The following DRC11 variants were observed in gnomAD, a reference collection of about 807,000 sequenced individuals.
The protein encoded by DRC11 is IQ and AAA domain-containing protein 1.
At chr2:236,489,520 G>A in the DRC11 span, among the ~76,000 whole-genome samples, 1 of 152,182 alleles carries the variant, frequency 6.6e-6, no homozygotes, top group Non-Finnish European at 1.5e-5. Context: ...GGAGGCCCCA[G>A]TGCTGTTCCA....
At chr2:236,451,376 T>TAGAG in the DRC11 span, among the ~76,000 whole-genome samples, 114 of 151,826 alleles carry the variant, frequency 7.5e-4, no homozygotes, top group Middle Eastern at 6.8e-3. Flanking sequence ...TATATATATA[T>TAGAG]AGATATATAT....
the DRC11 span, among the ~76,000 whole-genome samples, chr2:236,416,564 G>A: frequency 6.6e-6 from 1 of 151,486 alleles, no homozygotes; most frequent in East Asian, 2.0e-4. Context: ...AGAAAGGGAT[G>A]AAGACAAATG....
the DRC11 span, among the ~76,000 whole-genome samples, chr2:236,425,507 C>A: frequency 2.0e-4 from 30 of 152,080 alleles, no homozygotes; most frequent in African/African-American, 6.5e-4. Flanking sequence ...CTTGCTATAG[C>A]AGTCTTTAAA....
the DRC11 span, among the ~76,000 whole-genome samples, chr2:236,390,127 T>G: frequency 6.6e-6 from 1 of 152,232 alleles, no homozygotes; most frequent in African/African-American, 2.4e-5. The surrounding 1 kb of genome is among the most constrained non-coding windows in gnomAD (Gnocchi z 5.9). Context: ...TTCAGATATG[T>G]TAATATTTAC....
the DRC11 span, among the ~76,000 whole-genome samples, chr2:236,468,461 G>C: frequency 1.3e-5 from 2 of 151,996 alleles, no homozygotes; most frequent in African/African-American, 4.8e-5. Flanking sequence ...ATATAAAAGC[G>C]AATATGGAAT....
At chr2:236,411,075 A>C in the DRC11 span, among the ~76,000 whole-genome samples, 3 of 143,862 alleles carry the variant, frequency 2.1e-5, no homozygotes, top group East Asian at 4.0e-4. Flanking sequence ...GAGCTTCTGC[A>C]CAGCAAAAGA....
the DRC11 span, among the ~76,000 whole-genome samples, chr2:236,379,098 G>T: frequency 6.6e-6 from 1 of 152,166 alleles, no homozygotes; most frequent in African/African-American, 2.4e-5. Flanking sequence ...TGCCCCTCTG[G>T]GTGCTCTGCC....
chr2:236,357,646 A>ATATAATC, the DRC11 span, among the ~76,000 whole-genome samples: 2 of 126,992 alleles, frequency 1.6e-5, no homozygotes, highest in South Asian at 2.3e-4. Context: ...ATATGTAAAT[A>ATATAATC]TATAAATTAT....
At chr2:236,401,304 C>T in the DRC11 span, among the ~76,000 whole-genome samples, 1 of 152,174 alleles carries the variant, frequency 6.6e-6, no homozygotes, top group Non-Finnish European at 1.5e-5. This position sits in a 1 kb window ranked among gnomAD's most constrained non-coding sequence, Gnocchi z 4.6. Flanking sequence ...CCTTGTCCTA[C>T]ACTTTCTGAT....
the DRC11 span, among the ~76,000 whole-genome samples, chr2:236,360,410 T>C: frequency 6.6e-6 from 1 of 152,236 alleles, no homozygotes; most frequent in African/African-American, 2.4e-5. This position sits in a 1 kb window ranked among gnomAD's most constrained non-coding sequence, Gnocchi z 5.8. Flanking sequence ...CTGGGATATA[T>C]AGATGCTTAC....
chr2:236,330,874 C>G, the DRC11 span, among the ~76,000 whole-genome samples: 2 of 152,116 alleles, frequency 1.3e-5, no homozygotes, highest in African/African-American at 2.4e-5. The surrounding 1 kb of genome is among the most constrained non-coding windows in gnomAD (Gnocchi z 5.5). Flanking sequence ...GTGAATAGGT[C>G]AGAATGTATT....
At chr2:236,356,976 T>C in the DRC11 span, among the ~76,000 whole-genome samples, 2 of 96,694 alleles carry the variant, frequency 2.1e-5, no homozygotes, top group Non-Finnish European at 4.7e-5. Flanking sequence ...ATATTATATA[T>C]TCATATATTA....
At chr2:236,363,661 T>C in the DRC11 span, 6 of 792,566 alleles carry the variant, frequency 7.6e-6, no homozygotes, top group South Asian at 3.4e-5. The surrounding 1 kb of genome is among the most constrained non-coding windows in gnomAD (Gnocchi z 5.6). Context: ...TTTGCAGGAG[T>C]AGACAATGAG....
the DRC11 span, chr2:236,486,985 A>G: frequency 3.1e-6 from 3 of 973,598 alleles, no homozygotes; most frequent in Non-Finnish European, 4.7e-6. This position sits in a 1 kb window ranked among gnomAD's most constrained non-coding sequence, Gnocchi z 5.7. Flanking sequence ...TAAACTGCAC[A>G]TCTCAAAATG....
chr2:236,405,910 C>A, the DRC11 span, among the ~76,000 whole-genome samples: 1 of 152,176 alleles, frequency 6.6e-6, no homozygotes, highest in African/African-American at 2.4e-5. This position sits in a 1 kb window ranked among gnomAD's most constrained non-coding sequence, Gnocchi z 4.6. Flanking sequence ...GTGCACAATT[C>A]AAAACTCAGG....
the DRC11 span, among the ~76,000 whole-genome samples, chr2:236,489,132 C>T: frequency 1.7e-5 from 2 of 119,530 alleles, no homozygotes; most frequent in African/African-American, 6.7e-5. Context: ...TGGGTGCATG[C>T]TGGGGCCTTT....
chr2:236,336,458 GGCC>G, the DRC11 span, among the ~76,000 whole-genome samples: 1 of 149,062 alleles, frequency 6.7e-6, no homozygotes, highest in Non-Finnish European at 1.5e-5. This position sits in a 1 kb window ranked among gnomAD's most constrained non-coding sequence, Gnocchi z 7.3. Flanking sequence ...CTGCCACCAC[GGCC>G]ACCACCACTG....
the DRC11 span, chr2:236,324,739 C>G: frequency 6.2e-7 from 1 of 1,605,896 alleles, no homozygotes; most frequent in Admixed American, 1.7e-5. The surrounding 1 kb of genome is among the most constrained non-coding windows in gnomAD (Gnocchi z 5.7). Context: ...CTCCTGTTAT[C>G]GCCAAGGCAC....
At chr2:236,425,469 T>G in the DRC11 span, among the ~76,000 whole-genome samples, 1 of 152,184 alleles carries the variant, frequency 6.6e-6, no homozygotes, top group East Asian at 1.9e-4. Context: ...ATTCATGTCC[T>G]TTGCCCAATT....
Sources: allele counts gnomAD v4.1 joint callset (sites outside exome capture counted in the v4.1 genomes callset), GRCh38; gene constraint gnomAD v4.1.1; non-coding constraint Gnocchi (gnomAD v3.1); transcripts MANE v1.5; gene names NCBI Gene and HGNC (gene_info 2026-07-23, HGNC 2026-07-21).